Variants in POU2AF2 observed in about 807,000 individuals in gnomAD.
The protein encoded by POU2AF2 is POU domain class 2-associating factor 2.
chr11:111,252,990 A>G, the POU2AF2 span, among the ~76,000 whole-genome samples: 1 of 152,124 alleles, frequency 6.6e-6, no homozygotes, highest in African/African-American at 2.4e-5. Flanking sequence ...TGAAAGTAAG[A>G]GATGTTTTTC....
chr11:111,271,501 A>C, the POU2AF2 span, among the ~76,000 whole-genome samples: 1 of 151,918 alleles, frequency 6.6e-6, no homozygotes, highest in Non-Finnish European at 1.5e-5. Flanking sequence ...GGCTCACTGC[A>C]GCCTTGACCT....
At chr11:111,284,274 GGCCTCCGGCGCTGAC>G in the POU2AF2 span, 1 of 1,613,774 alleles carries the variant, frequency 6.2e-7, no homozygotes, top group Admixed American at 1.7e-5. Flanking sequence ...GGAGACTACC[GGCCTCCGGCGCTGAC>G]GCCCAACGCG....
At chr11:111,253,666 A>T in the POU2AF2 span, among the ~76,000 whole-genome samples, 3 of 152,162 alleles carry the variant, frequency 2.0e-5, no homozygotes, top group African/African-American at 7.2e-5. Flanking sequence ...CTGCCAGAAA[A>T]GTCTATATAA....
At chr11:111,249,326 G>T in the POU2AF2 span, among the ~76,000 whole-genome samples, 5 of 152,230 alleles carry the variant, frequency 3.3e-5, no homozygotes, top group South Asian at 1.0e-3. Context: ...AAAAAAAGAA[G>T]GTGGGAGGTA....
At chr11:111,257,532 C>T in the POU2AF2 span, among the ~76,000 whole-genome samples, 9 of 152,028 alleles carry the variant, frequency 5.9e-5, no homozygotes, top group African/African-American at 2.2e-4. Flanking sequence ...CCACGCCCCA[C>T]TAATTGTGTT....
chr11:111,285,946 C>T, the POU2AF2 span: 9 of 1,613,946 alleles, frequency 5.6e-6, no homozygotes, highest in Non-Finnish European at 7.6e-6. Flanking sequence ...TGGGGCCACT[C>T]TCCCCAGATG....
the POU2AF2 span, among the ~76,000 whole-genome samples, chr11:111,260,215 G>T: frequency 6.6e-6 from 1 of 152,026 alleles, no homozygotes; most frequent in East Asian, 1.9e-4. Context: ...CTCATATATC[G>T]AGTAAGTTAA....
chr11:111,280,495 G>C, the POU2AF2 span, among the ~76,000 whole-genome samples: 1 of 152,154 alleles, frequency 6.6e-6, no homozygotes, highest in Non-Finnish European at 1.5e-5. Context: ...TCTCAGTGGT[G>C]TGATGAAATT....
chr11:111,276,041 C>G, the POU2AF2 span, among the ~76,000 whole-genome samples: 28 of 152,018 alleles, frequency 1.8e-4, no homozygotes, highest in African/African-American at 6.7e-4. Context: ...TAACATGTAT[C>G]TAAACAGAGT....
chr11:111,275,571 C>T, the POU2AF2 span, among the ~76,000 whole-genome samples: 1 of 151,940 alleles, frequency 6.6e-6, no homozygotes, highest in Non-Finnish European at 1.5e-5. Context: ...AGGAAAGCAG[C>T]CTCAATTCAG....
At chr11:111,276,653 GAA>G in the POU2AF2 span, among the ~76,000 whole-genome samples, 2 of 126,358 alleles carry the variant, frequency 1.6e-5, no homozygotes, top group Non-Finnish European at 3.3e-5. Flanking sequence ...AAAAAAAAAA[GAA>G]AAAAAAAGAT....
chr11:111,259,833 C>A, the POU2AF2 span, among the ~76,000 whole-genome samples: 1 of 152,180 alleles, frequency 6.6e-6, no homozygotes, highest in Admixed American at 6.5e-5. Context: ...CATCATATTA[C>A]CCAGCATCTC....
the POU2AF2 span, among the ~76,000 whole-genome samples, chr11:111,257,818 T>C: frequency 2.0e-5 from 3 of 152,190 alleles, no homozygotes; most frequent in African/African-American, 7.2e-5. Context: ...CTGGGGTGTG[T>C]GATAAAAATA....
At chr11:111,246,257 A>C in the POU2AF2 span, among the ~76,000 whole-genome samples, 3 of 152,242 alleles carry the variant, frequency 2.0e-5, no homozygotes, top group Non-Finnish European at 4.4e-5. Context: ...AGAAGAATTC[A>C]CATTCATATA....
the POU2AF2 span, among the ~76,000 whole-genome samples, chr11:111,259,311 T>TG: frequency 7.7e-6 from 1 of 130,182 alleles, no homozygotes; most frequent in Non-Finnish European, 1.5e-5. Flanking sequence ...CCACATTCCT[T>TG]TTTTTTTTTT....
chr11:111,256,735 G>A, the POU2AF2 span, among the ~76,000 whole-genome samples: 1 of 152,218 alleles, frequency 6.6e-6, no homozygotes, highest in Admixed American at 6.5e-5. Flanking sequence ...GCTGGCTACT[G>A]TAGTTCATGG....
chr11:111,250,151 C>T, the POU2AF2 span, among the ~76,000 whole-genome samples: 7 of 152,118 alleles, frequency 4.6e-5, no homozygotes, highest in Non-Finnish European at 1.0e-4. Flanking sequence ...CTTGACTTCT[C>T]TTATTAATCA....
the POU2AF2 span, among the ~76,000 whole-genome samples, chr11:111,273,154 A>G: frequency 6.6e-6 from 1 of 152,228 alleles, no homozygotes; most frequent in Non-Finnish European, 1.5e-5. Flanking sequence ...ACCAGATTTC[A>G]CACCAACCGA....
At chr11:111,264,562 A>G in the POU2AF2 span, among the ~76,000 whole-genome samples, 693 of 48,000 alleles carry the variant, frequency 0.014, 76 homozygotes, top group African/African-American at 0.035. Flanking sequence ...GAAAGAAAGA[A>G]AGAAAGAAAG....
Sources: gnomAD v4.1 joint callset for allele counts (sites outside exome capture counted in the v4.1 genomes callset) on GRCh38, gnomAD v4.1.1 for gene constraint, MANE v1.5 for transcripts, NCBI Gene and HGNC (gene_info 2026-07-23, HGNC 2026-07-21) for gene names.